MYH16: variants seen among roughly 807,000 people sequenced by gnomAD.
MYH16 encodes myosin heavy chain 16.
intron 17 of MYH16, among the ~76,000 whole-genome samples, chr7:99,266,248 G>A (rs570500472): frequency 1.3e-5 from 2 of 152,194 alleles, no homozygotes; most frequent in South Asian, 2.1e-4. Flanking sequence ...CCCCCATAAC[G>A]TGCCTTTTAT....
intron 23 of MYH16, among the ~76,000 whole-genome samples, chr7:99,281,939 G>A (rs940502160): frequency 5.9e-5 from 9 of 152,158 alleles, no homozygotes; most frequent in African/African-American, 1.4e-4. Context: ...GGGAACTACC[G>A]CCCTTGCCCT....
rs73709623 is a variant in MYH16, at chr7:99,283,768, C to T, written n.3080-105C>T. The T allele has an allele frequency of 8.0e-3, 3,470 of 432,380 alleles. 87 individuals carry two copies. Among genetic ancestry groups the T allele is most frequent in the African/African-American group, 0.063 (3,153 of 49,742 alleles). The allele number at this position is 432,380 out of a possible 1,614,324, so 26.8% of individuals were successfully genotyped here. ...AACACATCCCCCGGGGCGTGAGGGC[C>T]CTTCTGATGCCACAGCTAAAGGATC... On this transcript the variant is annotated intron_variant and non_coding_transcript_variant, in intron 24 of 41. Transcript: ENST00000439784.
At chr7:99,246,381 A>G (rs1204493937) in intron 2 of MYH16, among the ~76,000 whole-genome samples, 3 of 151,824 alleles carry the variant, frequency 2.0e-5, no homozygotes, top group Non-Finnish European at 4.4e-5. Context: ...AAAGCCAGAT[A>G]TATTAAGTGG....
At chr7:99,257,288 C>G (rs1378822201) in intron 9 of MYH16, 1 of 153,764 alleles carries the variant, frequency 6.5e-6, no homozygotes, top group Non-Finnish European at 1.5e-5. Flanking sequence ...GACTTTGTCT[C>G]TGTTGCTTTG....
chr7:99,240,940 T>C (rs146437372), intron 1 of MYH16, among the ~76,000 whole-genome samples: 33 of 152,046 alleles, frequency 2.2e-4, no homozygotes, highest in Admixed American at 2.1e-3. Context: ...TAAAAAGATA[T>C]AGTTGGGTGG....
intron 33 of MYH16, 145 bp from the exon 15 acceptor site, chr7:99,296,556 G>A (rs1374815977): frequency 5.3e-6 from 2 of 376,350 alleles, no homozygotes; most frequent in African/African-American, 4.2e-5. Context: ...TGCCATAGCT[G>A]TTGAATTACA....
intron 24 of MYH16, 109 bp from the exon 7 acceptor site, chr7:99,283,764 G>A (rs1309182059): frequency 9.2e-6 from 4 of 433,840 alleles, no homozygotes; most frequent in Admixed American, 4.9e-5. Flanking sequence ...CGGGGCGTGA[G>A]GGCCCTTCTG....
intron 22 of MYH16, among the ~76,000 whole-genome samples, chr7:99,280,410 C>T (rs745968729): frequency 4.6e-4 from 70 of 152,224 alleles, no homozygotes; most frequent in Non-Finnish European, 9.1e-4. Context: ...TCTGCCCAAA[C>T]AAGCAGTTGC....
intron 1 of MYH16, among the ~76,000 whole-genome samples, chr7:99,242,154 C>T (rs564567101): frequency 1.3e-5 from 2 of 152,328 alleles, no homozygotes; most frequent in Admixed American, 1.3e-4. Context: ...AGCCACTGCA[C>T]CCGGCCTAGT....
In MYH16 at chr7:99,302,317, T is replaced by TATATACAC. The variant is rs1184408879; in HGVS notation, n.5137+514_5137+515insTATACACA. On this transcript the variant is annotated intron_variant and non_coding_transcript_variant, in intron 38 of 41. Transcript: ENST00000439784. ...ACCATCTCAAAAAAAAAAAAATATA[T>TATATACAC]ACACACACACACACACACACACACA... is the stretch of plus-strand genomic sequence containing the variant. Among the ~76,000 whole-genome samples the TATATACAC allele has an allele frequency of 3.6e-3, 341 of 95,560 alleles. 18 individuals carry two copies. The highest frequency in any genetic ancestry group is 0.015 in the African/African-American group (321 of 21,682). 62.7% of individuals were successfully genotyped at this position (95,560 alleles called of 152,430 possible).
At chr7:99,280,977 C>G (rs1446161642) in exon 23 of MYH16, 1 of 400,684 alleles carries the variant, frequency 2.5e-6, no homozygotes, top group Non-Finnish European at 5.0e-6. Context: ...AGGAGCTGCA[C>G]CAGGTAGGTT....
chr7:99,260,440 C>T, intron 12 of MYH16: 1 of 536,304 alleles, frequency 1.9e-6, no homozygotes, highest in South Asian at 1.9e-5. Flanking sequence ...AGTGACACCA[C>T]CAGTGACCTT....
chr7:99,291,320 CA>C lies in MYH16; in HGVS notation n.3825-2del. 1 of 455,298 alleles carries C rather than the reference CA, an allele frequency of 2.2e-6. No homozygotes were observed. Among genetic ancestry groups the C allele is most frequent in the South Asian group, 1.6e-5 (1 of 64,248 alleles). The allele number at this position is 455,298 out of a possible 1,614,324, so 28.2% of individuals were successfully genotyped here. On this transcript the variant is annotated splice_acceptor_variant and non_coding_transcript_variant, in intron 30 of 41. Transcript: ENST00000439784. ...ATATTTCTTCCATTTCCTTCTCACCCAGCTGAAAATAGTGAACTGAGCAGGG... is the reference window on the plus strand; with the variant it reads ...ATATTTCTTCCATTTCCTTCTCACCCGCTGAAAATAGTGAACTGAGCAGGG...
At chr7:99,253,139 T>C (rs1791830625) in intron 7 of MYH16, 1 of 151,716 alleles carries the variant, frequency 6.6e-6, no homozygotes, top group African/African-American at 2.4e-5. Flanking sequence ...TGGTGGTACA[T>C]GCCTGTAGTC....
chr7:99,263,703 C>T (rs1400917487), intron 14 of MYH16, among the ~76,000 whole-genome samples: 1 of 152,182 alleles, frequency 6.6e-6, no homozygotes, highest in Non-Finnish European at 1.5e-5. Context: ...TTGCTGGGCA[C>T]ATCTTGCCTC....
At chr7:99,263,641 C>G (rs1791960603) in intron 14 of MYH16, among the ~76,000 whole-genome samples, 2 of 152,172 alleles carry the variant, frequency 1.3e-5, no homozygotes, top group African/African-American at 4.8e-5. Context: ...ATGGATGATA[C>G]TGCAAAAGAG....
intron 1 of MYH16, chr7:99,243,152 C>T (rs1373605678): frequency 6.6e-6 from 1 of 152,582 alleles, no homozygotes. Flanking sequence ...TGTGGCTGGA[C>T]CAGGACTTGG....
intron 20 of MYH16, among the ~76,000 whole-genome samples, chr7:99,275,188 G>C (rs952117351): frequency 3.3e-5 from 5 of 151,856 alleles, no homozygotes; most frequent in Admixed American, 2.6e-4. Flanking sequence ...TGAAGAGACA[G>C]GGTCTTGCTA....
At chr7:99,265,010 G>A (rs961043491) in intron 15 of MYH16, 4 of 152,662 alleles carry the variant, frequency 2.6e-5, no homozygotes, top group African/African-American at 7.2e-5. Flanking sequence ...AGTTTTAAGT[G>A]AATAAACTTT....
Sources: allele counts gnomAD v4.1 joint callset (sites outside exome capture counted in the v4.1 genomes callset), GRCh38; gene constraint gnomAD v4.1.1; transcripts MANE v1.5; gene names NCBI Gene and HGNC (gene_info 2026-07-23, HGNC 2026-07-21).